Variants in XRCC4 observed in about 807,000 individuals in gnomAD.
The protein encoded by XRCC4 is DNA repair protein XRCC4.
In XRCC4, 28 loss-of-function variants were observed where a neutral mutation model predicts 39.1. The ratio of observed to expected loss-of-function variants is 0.72; its 90% confidence interval spans 0.53 to 0.98. XRCC4 has a LOEUF of 0.98. Among genes scored for constraint, XRCC4 ranks in the 50% least tolerant of loss-of-function variants. The pLI, the probability that XRCC4 is intolerant of heterozygous loss-of-function variation, is 0.00. For missense variants in XRCC4, 350 were observed against 376.4 expected, an observed-to-expected ratio of 0.93 and a Z score of 0.58; for synonymous variants, 123 against 126.4, an observed-to-expected ratio of 0.97 and a Z score of 0.18.
chr5:83,320,965 C>A (rs914750813), intron 7 of XRCC4, among the ~76,000 whole-genome samples: 1 of 152,120 alleles, frequency 6.6e-6, no homozygotes, highest in East Asian at 1.9e-4. Context: ...TGCCCGCCAA[C>A]ATGCCTGGCT....
In XRCC4 at chr5:83,142,612, T is replaced by A. The variant is rs13361636; in HGVS notation, c.315+31409T>A. On this transcript the variant is annotated intron_variant, in intron 3 of 7. Transcript: ENST00000396027. ...GTGTAACAGCAAGAGAAATTGAACATCCACATGGAATTAAGTTTGGTTAAG... is the reference window on the plus strand; with the variant it reads ...GTGTAACAGCAAGAGAAATTGAACAACCACATGGAATTAAGTTTGGTTAAG... Among the ~76,000 whole-genome samples, 491 of 152,318 alleles carry A rather than the reference T, an allele frequency of 3.2e-3. 2 individuals carry two copies. Among genetic ancestry groups the A allele is most frequent in the African/African-American group, 0.011 (468 of 41,570 alleles).
chr5:83,327,071 A>G lies in XRCC4; in HGVS notation c.894-26060A>G, dbSNP rs1277463937. Among the ~76,000 whole-genome samples, 3 of 152,214 alleles carry G rather than the reference A, an allele frequency of 2.0e-5. No homozygotes were observed. In the East Asian group the frequency reaches 5.8e-4, roughly 29 times the overall value. On this transcript the variant is annotated intron_variant, in intron 7 of 7. Coordinates refer to ENST00000396027, the MANE Select transcript of XRCC4 (RefSeq NM_003401.5). ...TAAACTTGTTTGTTTTGCTTATTGA[A>G]GTGTAATTAACATAAAGTAAAATTC...
chr5:83,124,203 A>G (rs1330539920), intron 3 of XRCC4, among the ~76,000 whole-genome samples: 4 of 152,108 alleles, frequency 2.6e-5, no homozygotes, highest in Admixed American at 1.3e-4. Flanking sequence ...AACTACCACC[A>G]TAGTCAGGGT....
At chr5:83,255,159 G>GTAT (rs1239325651) in intron 6 of XRCC4, among the ~76,000 whole-genome samples, 2 of 152,130 alleles carry the variant, frequency 1.3e-5, no homozygotes, top group Admixed American at 1.3e-4. Flanking sequence ...TAGGTACCAA[G>GTAT]TATTGGAGTA....
intron 6 of XRCC4, among the ~76,000 whole-genome samples, chr5:83,238,838 T>G (rs1752795051): frequency 6.6e-6 from 1 of 152,118 alleles, no homozygotes; most frequent in Non-Finnish European, 1.5e-5. Flanking sequence ...TAAGAAGAGA[T>G]TTTTTGAAGT....
intron 6 of XRCC4, among the ~76,000 whole-genome samples, chr5:83,252,523 C>T (rs1050232415): frequency 3.3e-5 from 5 of 150,972 alleles, no homozygotes; most frequent in Admixed American, 6.6e-5. Flanking sequence ...TTTGGTCTTT[C>T]GTTGACAACA....
At chr5:83,314,705 T>C (rs1427216768) in intron 7 of XRCC4, among the ~76,000 whole-genome samples, 1 of 152,154 alleles carries the variant, frequency 6.6e-6, no homozygotes, top group African/African-American at 2.4e-5. Flanking sequence ...CTGTGATCAG[T>C]GATCATTTAT....
intron 7 of XRCC4, among the ~76,000 whole-genome samples, chr5:83,306,746 G>GC (rs908026659): frequency 6.6e-6 from 1 of 152,174 alleles, no homozygotes; most frequent in African/African-American, 2.4e-5. Context: ...GACTGATCGG[G>GC]CAACAGGAAC....
At chr5:83,204,951 T>C in intron 6 of XRCC4, 30 bp downstream of exon 6, 1 of 1,446,484 alleles carries the variant, frequency 6.9e-7, no homozygotes, top group African/African-American at 1.4e-5. Flanking sequence ...ATCTCCTCTG[T>C]TGAATATCTT....
At position 83,258,614 on chromosome 5, in the gene XRCC4, A is replaced by C. The variant is rs1364591550; in HGVS notation, c.830A>C (p.Gln277Pro). 9.9e-6 allele frequency: 16 copies of C among 1,611,836 alleles called. No individual in the cohort carries two copies. Among genetic ancestry groups the C allele is most frequent in the Non-Finnish European group, 1.4e-5 (16 of 1,179,254 alleles). ...APSRKRRQRMQRNLGTEPKMA... is the reference protein window; with the variant it reads ...APSRKRRQRMPRNLGTEPKMA... ...AGTAGAAAAAGGAGACAGCGAATGC[A>C]AAGAAATCTTGGGACAGAACCTAAA... The change falls in exon 7 of 8, where the codon CAA (glutamine) becomes CCA (proline). Residue 277 changes from glutamine (Q) to proline (P), a missense_variant. By Grantham distance (76) the Gln-to-Pro change is moderately conservative. Transcript: ENST00000396027.
chr5:83,223,518 A>G (rs1250555664), intron 6 of XRCC4, among the ~76,000 whole-genome samples: 1 of 149,864 alleles, frequency 6.7e-6, no homozygotes, highest in Non-Finnish European at 1.5e-5. Flanking sequence ...CCTAAAGTTT[A>G]TTGTATCTGA....
intron 3 of XRCC4, among the ~76,000 whole-genome samples, chr5:83,193,310 C>T (rs1250816558): frequency 6.6e-6 from 1 of 151,938 alleles, no homozygotes; most frequent in Non-Finnish European, 1.5e-5. Flanking sequence ...CAAGTAAAAT[C>T]CTTTTCTTTG....
At chr5:83,131,961 G>A (rs1747612391) in intron 3 of XRCC4, among the ~76,000 whole-genome samples, 1 of 152,122 alleles carries the variant, frequency 6.6e-6, no homozygotes, top group African/African-American at 2.4e-5. Flanking sequence ...AGTTGATGCA[G>A]TTTCTTCTTA....
At chr5:83,092,445 A>G (rs531748095) in intron 1 of XRCC4, among the ~76,000 whole-genome samples, 18 of 152,288 alleles carry the variant, frequency 1.2e-4, no homozygotes, top group Admixed American at 1.0e-3. Context: ...CAAAAAAGTT[A>G]TGAAAGCACA....
the XRCC4 span, among the ~76,000 whole-genome samples, chr5:83,370,520 C>A: frequency 4.9e-3 from 741 of 152,222 alleles, 14 homozygotes; most frequent in East Asian, 0.027. Flanking sequence ...ATGTCAGGTA[C>A]CCTACTGCCT....
chr5:83,365,827 T>A, the XRCC4 span, among the ~76,000 whole-genome samples: 4 of 152,224 alleles, frequency 2.6e-5, no homozygotes, highest in African/African-American at 4.8e-5. Context: ...ATTAAGATGA[T>A]CTTTCCGATA....
rs1456256038 is a variant in XRCC4 at position 83,132,417 on chromosome 5, A to G, written c.315+21214A>G. 2.0e-5 allele frequency among the ~76,000 whole-genome samples: 3 copies of G among 151,990 alleles called. No homozygotes were observed. The South Asian group carries it at 6.2e-4, about 32-fold the overall frequency. ...ACGTTGTCTGTATTTCCTGAATTTG[A>G]ATGTTGGCCTTCCTTGCTAGGTTGG... On this transcript the variant is annotated intron_variant, in intron 3 of 7. Coordinates refer to ENST00000396027, the MANE Select transcript of XRCC4 (RefSeq NM_003401.5).
rs1263774519 is a variant in XRCC4 at position 83,203,716 on chromosome 5, G to A, written c.638+9G>A. 5.6e-6 allele frequency: 9 copies of A among 1,606,568 alleles called. No individual in the cohort carries two copies. The highest frequency in any genetic ancestry group is 1.1e-5 in the South Asian group (1 of 89,174). Reference sequence around the variant, plus strand: ...GACATCAAACAAGAAGGGTATTTTCGCTATCTTGTTTTTGGATGACAGATG... The same window carrying A: ...GACATCAAACAAGAAGGGTATTTTCACTATCTTGTTTTTGGATGACAGATG... On this transcript the variant is annotated intron_variant, in intron 5 of 7. Coordinates refer to ENST00000396027, the MANE Select transcript of XRCC4 (RefSeq NM_003401.5).
chr5:83,130,409 G>T (rs1295568520), intron 3 of XRCC4, among the ~76,000 whole-genome samples: 1 of 152,064 alleles, frequency 6.6e-6, no homozygotes, highest in Non-Finnish European at 1.5e-5. Flanking sequence ...TATTCTTCAG[G>T]GATATTGGTC....
Sources: gnomAD v4.1 joint callset for allele counts (sites outside exome capture counted in the v4.1 genomes callset) on GRCh38, gnomAD v4.1.1 for gene constraint, MANE v1.5 for transcripts, NCBI Gene and HGNC (gene_info 2026-07-23, HGNC 2026-07-21) for gene names.